ESRRG: variants seen among roughly 807,000 people sequenced by gnomAD.
The protein encoded by ESRRG is estrogen-related receptor gamma.
In ESRRG, 13 loss-of-function variants were observed where a neutral mutation model predicts 44.0. That is an observed-to-expected ratio of 0.30 (90% CI 0.19 to 0.47). The LOEUF is 0.47. Ranked by LOEUF, ESRRG falls within the 20% of genes least tolerant of loss-of-function variation. ESRRG has a pLI of 1.00. For missense variants in ESRRG, 395 were observed against 580.6 expected (o/e 0.68, Z 3.29); for synonymous variants, 215 against 214.6 (o/e 1.00, Z -0.02).
intron 1 of ESRRG, among the ~76,000 whole-genome samples, chr1:216,715,471 C>A (rs2084651715): frequency 6.6e-6 from 1 of 152,010 alleles, no homozygotes; most frequent in Admixed American, 6.6e-5. Flanking sequence ...TCAGAATATT[C>A]TTTTATTTAT....
At chr1:216,512,508 T>C (rs932404259) in intron 6 of ESRRG, among the ~76,000 whole-genome samples, 2 of 152,184 alleles carry the variant, frequency 1.3e-5, no homozygotes, top group Non-Finnish European at 2.9e-5. Flanking sequence ...TAACTAAGTA[T>C]ACACATTTAT....
At chr1:217,106,199 G>A (rs1012531651) in intron 1 of ESRRG, among the ~76,000 whole-genome samples, 3 of 152,116 alleles carry the variant, frequency 2.0e-5, no homozygotes, top group African/African-American at 7.2e-5. Context: ...TTTAAGGAAG[G>A]GAAACATTGT....
rs2045417327 is a variant in ESRRG at position 216,519,519 on chromosome 1, A to C, written c.863-98T>G. On this transcript the variant is annotated intron_variant, in intron 5 of 6. Transcript: ENST00000408911. ...TAGCTGGCTTCTGCATCAGTGCTCAAAATTATGCTGAGCTTTGATTAGAAG... is the reference window on the plus strand; with the variant it reads ...TAGCTGGCTTCTGCATCAGTGCTCACAATTATGCTGAGCTTTGATTAGAAG... The C allele has an allele frequency of 2.6e-6, 3 of 1,164,900 alleles. No homozygotes were observed. The South Asian group carries it at 4.4e-5, about 17-fold the overall frequency. The allele number at this position is 1,164,900 out of a possible 1,614,324, so 72.2% of individuals were successfully genotyped here.
intron 2 of ESRRG, among the ~76,000 whole-genome samples, chr1:216,931,696 C>G (rs1197118065): frequency 6.6e-6 from 1 of 152,104 alleles, no homozygotes; most frequent in Admixed American, 6.5e-5. Flanking sequence ...GCTCTGCAGT[C>G]ATCTCTCCAA....
chr1:216,537,186 T>A (rs2051231817), intron 5 of ESRRG, among the ~76,000 whole-genome samples: 1 of 152,036 alleles, frequency 6.6e-6, no homozygotes, highest in Non-Finnish European at 1.5e-5. Context: ...AGAGCCCTCA[T>A]TAATGAAATT....
At chr1:216,525,201 GT>G (rs949305493) in intron 5 of ESRRG, among the ~76,000 whole-genome samples, 1 of 151,758 alleles carries the variant, frequency 6.6e-6, no homozygotes, top group Non-Finnish European at 1.5e-5. Flanking sequence ...GTTTTGTTTT[GT>G]TTTTTTCCTG....
intron 1 of ESRRG, among the ~76,000 whole-genome samples, chr1:217,007,846 G>GA (rs140418447): frequency 0.046 from 6,952 of 152,106 alleles, 347 homozygotes; most frequent in African/African-American, 0.13. Flanking sequence ...AATAAGGGGG[G>GA]AAAAATCCCA....
At chr1:217,041,660 G>A (rs987948452) in intron 1 of ESRRG, among the ~76,000 whole-genome samples, 1 of 152,054 alleles carries the variant, frequency 6.6e-6, no homozygotes, top group Non-Finnish European at 1.5e-5. Flanking sequence ...TTCCTCCCTG[G>A]AACATTAAAG....
chr1:216,848,643 T>C (rs946685504), intron 2 of ESRRG, among the ~76,000 whole-genome samples: 3 of 152,144 alleles, frequency 2.0e-5, no homozygotes, highest in African/African-American at 7.2e-5. Flanking sequence ...AGCGATCTCA[T>C]AGACAGTTAA....
chr1:216,554,857 G>A (rs1445519444), intron 5 of ESRRG, among the ~76,000 whole-genome samples: 1 of 152,164 alleles, frequency 6.6e-6, no homozygotes. Flanking sequence ...GAAATGAACA[G>A]CAAAGGAATT....
chr1:216,691,977 T>C (rs1236666712), intron 1 of ESRRG, among the ~76,000 whole-genome samples: 1 of 152,192 alleles, frequency 6.6e-6, no homozygotes, highest in East Asian at 1.9e-4. Flanking sequence ...GCACTGCCAG[T>C]CATATAAAAG....
At chr1:216,634,940 A>G (rs1213836919) in intron 3 of ESRRG, among the ~76,000 whole-genome samples, 5 of 151,806 alleles carry the variant, frequency 3.3e-5, no homozygotes, top group South Asian at 2.1e-4. Flanking sequence ...ATGGAAGCCT[A>G]TTTTTTTCTT....
chr1:216,584,182 C>A (rs2063322031), intron 3 of ESRRG, among the ~76,000 whole-genome samples: 1 of 151,962 alleles, frequency 6.6e-6, no homozygotes, highest in Non-Finnish European at 1.5e-5. Context: ...CTTATAAGAT[C>A]TTTCTAAACT....
At chr1:217,113,584 T>C (rs1004048551) in intron 1 of ESRRG, among the ~76,000 whole-genome samples, 57 of 151,784 alleles carry the variant, frequency 3.8e-4, no homozygotes, top group African/African-American at 1.3e-3. Context: ...AAAGAGACTT[T>C]TGGGGGCTTG....
Position 216,595,393 on chromosome 1 carries a change from C to G in ESRRG, c.590-27295G>C, listed in dbSNP as rs182257198. On this transcript the variant is annotated intron_variant, in intron 3 of 6. Coordinates refer to ENST00000408911, the MANE Select transcript of ESRRG (RefSeq NM_001438.4). ...CACAGCTGCTATATTCTTGCATAAT[C>G]AATTATGATTGAATTTATTTATTTT... 1.3e-3 allele frequency among the ~76,000 whole-genome samples: 196 copies of G among 152,146 alleles called. 1 individual carries two copies. Among genetic ancestry groups the G allele is most frequent in the African/African-American group, 4.5e-3 (187 of 41,524 alleles).
chr1:216,816,055 T>C (rs2095126946), intron 2 of ESRRG, among the ~76,000 whole-genome samples: 1 of 152,192 alleles, frequency 6.6e-6, no homozygotes, highest in Non-Finnish European at 1.5e-5. Flanking sequence ...ACCTGGTGTC[T>C]GTAGGAAAAG....
At chr1:217,034,257 G>A (rs1385118759) in intron 1 of ESRRG, among the ~76,000 whole-genome samples, 2 of 152,058 alleles carry the variant, frequency 1.3e-5, no homozygotes, top group African/African-American at 2.4e-5. Context: ...GGGATAAAAC[G>A]GCTTGCTGTA....
At chr1:216,682,906 C>G (rs1293729143) in intron 1 of ESRRG, among the ~76,000 whole-genome samples, 4 of 152,032 alleles carry the variant, frequency 2.6e-5, no homozygotes, top group Non-Finnish European at 4.4e-5. Context: ...ATTGCACTCT[C>G]GTAAAGTGGC....
chr1:216,580,446 A>G (rs1196784073), intron 3 of ESRRG, among the ~76,000 whole-genome samples: 1 of 152,204 alleles, frequency 6.6e-6, no homozygotes, highest in African/African-American at 2.4e-5. Context: ...TTTTTTAACT[A>G]TTCATCATAG....
Sources: gnomAD v4.1 joint callset for allele counts (sites outside exome capture counted in the v4.1 genomes callset) on GRCh38, gnomAD v4.1.1 for gene constraint, MANE v1.5 for transcripts, NCBI Gene and HGNC (gene_info 2026-07-23, HGNC 2026-07-21) for gene names.